Variants in PIR observed in about 807,000 individuals in gnomAD.
PIR encodes the protein pirin, also known as pirin (iron-binding nuclear protein).
In PIR, 22 loss-of-function variants were observed where a neutral mutation model predicts 24.2. The observed-to-expected ratio is 0.91, with a 90% CI of 0.65 to 1.30. The LOEUF is 1.30. PIR is among the 50% of genes most tolerant of loss of function. PIR has a pLI of 0.00. For synonymous variants in PIR, 80 were observed against 79.6 expected, an observed-to-expected ratio of 1.00 and a Z score of -0.03; for missense variants, 220 against 220.3, an observed-to-expected ratio of 1.00 and a Z score of 0.01.
intron 6 of PIR, among the ~76,000 whole-genome samples, chrX:15,408,334 T>C (rs1924616450): frequency 9.0e-6 from 1 of 111,534 alleles, no homozygotes; most frequent in Admixed American, 9.6e-5. Context: ...CCTTCTTTTA[T>C]TCTATCCTAA....
chrX:15,426,242 T>C (rs980544599), intron 5 of PIR, among the ~76,000 whole-genome samples: 1 of 111,396 alleles, frequency 9.0e-6, no homozygotes, highest in Non-Finnish European at 1.9e-5. Context: ...CTACAGCCAG[T>C]TCTCAAATAT....
intron 7 of PIR, among the ~76,000 whole-genome samples, chrX:15,404,083 T>G (rs1924481662): frequency 9.2e-6 from 1 of 109,261 alleles, no homozygotes; most frequent in Non-Finnish European, 1.9e-5. Context: ...TCACTGAAAC[T>G]CTGCTCTCCG....
chrX:15,402,435 G>A (rs1461336182), intron 7 of PIR, among the ~76,000 whole-genome samples: 1 of 111,478 alleles, frequency 9.0e-6, no homozygotes, highest in African/African-American at 3.3e-5. Flanking sequence ...TATATGAGAT[G>A]TTTTGATTCA....
chrX:15,431,859 C>A (rs925783056), intron 5 of PIR, among the ~76,000 whole-genome samples: 2 of 110,480 alleles, frequency 1.8e-5, no homozygotes, highest in Non-Finnish European at 3.8e-5. Context: ...TTGCTTTCAT[C>A]CAAATTGGTT....
chrX:15,386,738 G>C (rs1923763827), intron 9 of PIR, among the ~76,000 whole-genome samples: 2 of 110,905 alleles, frequency 1.8e-5, no homozygotes, highest in South Asian at 7.7e-4. Context: ...GGGTACAGTG[G>C]TGGAAGGAGG....
intron 3 of PIR, chrX:15,478,466 G>C (rs767016566): frequency 8.9e-6 from 1 of 112,183 alleles, no homozygotes; most frequent in South Asian, 3.7e-4. Flanking sequence ...GGAGCACAGA[G>C]TGGAGACATC....
At chrX:15,459,491 A>T (rs1420514641) in intron 4 of PIR, among the ~76,000 whole-genome samples, 166 bp downstream of exon 4, 1 of 112,322 alleles carries the variant, frequency 8.9e-6, no homozygotes, top group Non-Finnish European at 1.9e-5. Flanking sequence ...AGAATATAAG[A>T]GACCTGTGTG....
At chrX:15,408,885 G>A in intron 6 of PIR, among the ~76,000 whole-genome samples, 1 of 111,556 alleles carries the variant, frequency 9.0e-6, no homozygotes, top group South Asian at 3.7e-4. Context: ...CGTTCAACTG[G>A]ATACAAAAGA....
intron 3 of PIR, among the ~76,000 whole-genome samples, chrX:15,477,587 T>C (rs1333274383): frequency 8.9e-6 from 1 of 112,202 alleles, no homozygotes; most frequent in Non-Finnish European, 1.9e-5. Flanking sequence ...GTAAGGCACA[T>C]TTCAGCCTTC....
chrX:15,409,095 C>T (rs1602250843), intron 6 of PIR, among the ~76,000 whole-genome samples: 7 of 60,412 alleles, frequency 1.2e-4, no homozygotes, highest in South Asian at 8.8e-4. Flanking sequence ...GTTTTTCTCC[C>T]TTTTTTTTTT....
intron 3 of PIR, among the ~76,000 whole-genome samples, chrX:15,467,898 TCTC>T (rs1371234309): frequency 9.0e-6 from 1 of 111,342 alleles, no homozygotes; most frequent in Non-Finnish European, 1.9e-5. Flanking sequence ...GCATGCCCCT[TCTC>T]CTTCAAACCC....
intron 9 of PIR, among the ~76,000 whole-genome samples, chrX:15,388,471 T>C (rs760934134): frequency 1.8e-5 from 2 of 112,317 alleles, no homozygotes; most frequent in South Asian, 7.4e-4. Flanking sequence ...TGCTTCTTCA[T>C]CTGTAAAATG....
intron 7 of PIR, among the ~76,000 whole-genome samples, chrX:15,399,484 AG>A (rs1056232265): frequency 9.0e-6 from 1 of 111,602 alleles, no homozygotes; most frequent in Non-Finnish European, 1.9e-5. Context: ...TGTCCTCCCA[AG>A]GGGGGTCTAT....
At position 15,397,351 on chromosome X, in the gene PIR, G is replaced by A. The variant is rs1012989772; in HGVS notation, c.693+98C>T. 8.7e-6 allele frequency: 5 copies of A among 577,524 alleles called. No individual in the cohort carries two copies. In the African/African-American group the frequency reaches 1.1e-4, roughly 13 times the overall value. 47.6% of individuals were successfully genotyped at this position (577,524 alleles called of 1,213,427 possible). ...CTGGTATAATTTCTTCTCCAAGGAA[G>A]AGAGAAAAACTTTCAGTTATCCACA... On this transcript the variant is annotated intron_variant, in intron 8 of 9. Transcript: ENST00000380420.
intron 6 of PIR, among the ~76,000 whole-genome samples, chrX:15,415,324 T>C (rs985659258): frequency 1.8e-5 from 2 of 111,654 alleles, no homozygotes; most frequent in African/African-American, 6.5e-5. Flanking sequence ...TGGCAAAGAG[T>C]AGGCATTTAA....
At chrX:15,421,735 T>C (rs1458414816) in intron 6 of PIR, among the ~76,000 whole-genome samples, 1 of 109,396 alleles carries the variant, frequency 9.1e-6, no homozygotes, top group Non-Finnish European at 1.9e-5. Context: ...TTAATACCAA[T>C]CCTACTGAAA....
intron 2 of PIR, among the ~76,000 whole-genome samples, chrX:15,485,125 C>A (rs1221237909): frequency 4.4e-5 from 5 of 112,361 alleles, no homozygotes; most frequent in Non-Finnish European, 9.4e-5. Context: ...AAGAATGATC[C>A]CAATTTCAGT....
At position 15,422,831 on chromosome X, in the gene PIR, T is replaced by C. The variant is rs993853747; in HGVS notation, c.565+3075A>G. Among the ~76,000 whole-genome samples the C allele has an allele frequency of 5.4e-5, 6 of 111,710 alleles. No homozygotes were observed. The Admixed American group carries it at 5.7e-4, about 11-fold the overall frequency. ...TCACAGAAATGAATCCTAAAACTTA[T>C]ATGGAACCATGAAAGACCCCAAATA... On this transcript the variant is annotated intron_variant, in intron 6 of 9. Transcript: ENST00000380420.
At chrX:15,450,875 T>C (rs1453474188) in intron 5 of PIR, among the ~76,000 whole-genome samples, 1 of 111,780 alleles carries the variant, frequency 8.9e-6, no homozygotes, top group Non-Finnish European at 1.9e-5. Flanking sequence ...CCTAAAAGTC[T>C]CTTGGATGAA....
Sources: gnomAD v4.1 joint callset for allele counts (sites outside exome capture counted in the v4.1 genomes callset) on GRCh38, gnomAD v4.1.1 for gene constraint, MANE v1.5 for transcripts, NCBI Gene and HGNC (gene_info 2026-07-23, HGNC 2026-07-21) for gene names.